The following PPP3CA variants were observed in gnomAD, a reference collection of about 807,000 sequenced individuals.
The protein encoded by PPP3CA is protein phosphatase 3 catalytic subunit alpha, also known as CAM-PRP catalytic subunit.
In PPP3CA, 14 loss-of-function variants were observed where a neutral mutation model predicts 66.5. The ratio of observed to expected loss-of-function variants is 0.21; its 90% CI spans 0.14 to 0.33. The LOEUF (loss-of-function observed/expected upper bound fraction) is 0.33. Among genes scored for constraint, PPP3CA ranks in the 10% least tolerant of loss-of-function variants. The pLI is 1.00. For missense variants in PPP3CA, 317 were observed against 639.5 expected (o/e 0.50, Z 5.44); for synonymous variants, 232 against 226.2 (o/e 1.03, Z -0.23).
At chr4:101,065,877 TAA>T (rs1021531081) in intron 8 of PPP3CA, among the ~76,000 whole-genome samples, 6 of 152,136 alleles carry the variant, frequency 3.9e-5, no homozygotes, top group Non-Finnish European at 7.4e-5. Context: ...GTTGGTGAGA[TAA>T]AAGTTCATTT....
chr4:101,215,346 C>T (rs1560662772), intron 1 of PPP3CA, among the ~76,000 whole-genome samples: 5 of 151,986 alleles, frequency 3.3e-5, no homozygotes, highest in Non-Finnish European at 7.4e-5. Flanking sequence ...TATAAATAGA[C>T]TTCTCTAATA....
intron 2 of PPP3CA, among the ~76,000 whole-genome samples, chr4:101,151,162 A>G (rs1159241861): frequency 6.6e-6 from 1 of 152,222 alleles, no homozygotes; most frequent in African/African-American, 2.4e-5. Flanking sequence ...GACCGTGACC[A>G]TGGACCTTCA....
At chr4:101,196,186 A>G (rs1381780213) in intron 1 of PPP3CA, 70 bp from the exon 2 acceptor site, 7 of 1,394,530 alleles carry the variant, frequency 5.0e-6, no homozygotes, top group Non-Finnish European at 6.9e-6. Flanking sequence ...AATAACCACC[A>G]AATATCCATC....
intron 13 of PPP3CA, among the ~76,000 whole-genome samples, chr4:101,027,634 G>A (rs974602817): frequency 9.9e-5 from 15 of 152,248 alleles, no homozygotes; most frequent in African/African-American, 3.1e-4. Flanking sequence ...GTACTCTACT[G>A]TCTTTTTTAG....
At chr4:101,239,680 CCA>C (rs1726239499) in intron 1 of PPP3CA, among the ~76,000 whole-genome samples, 1 of 151,992 alleles carries the variant, frequency 6.6e-6, no homozygotes, top group Non-Finnish European at 1.5e-5. Flanking sequence ...CAACTGTTCT[CCA>C]GTCACACCCA....
intron 1 of PPP3CA, among the ~76,000 whole-genome samples, chr4:101,276,153 C>T (rs1727489827): frequency 6.6e-6 from 1 of 152,052 alleles, no homozygotes; most frequent in African/African-American, 2.4e-5. Context: ...CCTCAGCTTC[C>T]CAGAGCACTA....
chr4:101,190,495 G>A (rs1026964259), intron 2 of PPP3CA, among the ~76,000 whole-genome samples: 2 of 152,082 alleles, frequency 1.3e-5, no homozygotes, highest in African/African-American at 4.8e-5. Flanking sequence ...CATAGATAGC[G>A]CTACATGTTT....
chr4:101,090,595 T>G (rs550568214), intron 6 of PPP3CA, among the ~76,000 whole-genome samples: 5 of 126,980 alleles, frequency 3.9e-5, no homozygotes, highest in Non-Finnish European at 7.7e-5. Context: ...TGAGCCGAGA[T>G]CGCACCACTG....
intron 8 of PPP3CA, among the ~76,000 whole-genome samples, chr4:101,069,744 C>T (rs150223660): frequency 3.9e-5 from 6 of 152,208 alleles, no homozygotes; most frequent in African/African-American, 9.6e-5. Context: ...ATGAAGAAGA[C>T]GAGGATGAAA....
At chr4:101,077,328 T>C (rs901775021) in intron 8 of PPP3CA, among the ~76,000 whole-genome samples, 1 of 152,206 alleles carries the variant, frequency 6.6e-6, no homozygotes, top group African/African-American at 2.4e-5. Flanking sequence ...AAGAATCAAA[T>C]CATACTGTAA....
chr4:101,294,750 T>C (rs552091557), intron 1 of PPP3CA, among the ~76,000 whole-genome samples: 1 of 152,232 alleles, frequency 6.6e-6, no homozygotes, highest in South Asian at 2.1e-4. Context: ...TGTAGGATGT[T>C]TGGCAGCATC....
chr4:101,037,736 C>T (rs764300878), intron 11 of PPP3CA, among the ~76,000 whole-genome samples: 10 of 152,152 alleles, frequency 6.6e-5, no homozygotes, highest in Admixed American at 6.5e-5. Context: ...AATTCTACAA[C>T]TCCTGATTGC....
chr4:101,278,123 A>AT (rs1727562371), intron 1 of PPP3CA, among the ~76,000 whole-genome samples: 1 of 7,654 alleles, frequency 1.3e-4, no homozygotes, highest in Non-Finnish European at 7.2e-4. Flanking sequence ...AGCTATTAGT[A>AT]AAAAAAAAAA....
At chr4:101,048,903 TA>T (rs899571331) in intron 10 of PPP3CA, among the ~76,000 whole-genome samples, 1 of 152,128 alleles carries the variant, frequency 6.6e-6, no homozygotes, top group Non-Finnish European at 1.5e-5. Flanking sequence ...CTTTAAAATG[TA>T]ATTTTTTTTA....
chr4:101,217,723 C>T (rs1241370857), intron 1 of PPP3CA, among the ~76,000 whole-genome samples: 1 of 152,112 alleles, frequency 6.6e-6, no homozygotes, highest in African/African-American at 2.4e-5. Context: ...TTCTGTTGCA[C>T]AAATCCCAGA....
At chr4:101,265,069 T>G (rs1258238497) in intron 1 of PPP3CA, among the ~76,000 whole-genome samples, 9 of 152,172 alleles carry the variant, frequency 5.9e-5, no homozygotes, top group Middle Eastern at 3.2e-3. Context: ...CCATAAGAAT[T>G]TGGCTGAATT....
chr4:101,204,070 A>C (rs1015568399), intron 1 of PPP3CA, among the ~76,000 whole-genome samples: 1 of 152,084 alleles, frequency 6.6e-6, no homozygotes, highest in Non-Finnish European at 1.5e-5. Flanking sequence ...CCTGAGCTCA[A>C]GCAATCCTCC....
intron 8 of PPP3CA, among the ~76,000 whole-genome samples, chr4:101,073,675 G>A (rs1320770239): frequency 2.6e-5 from 4 of 151,872 alleles, no homozygotes; most frequent in Non-Finnish European, 1.5e-5. Context: ...ACTCTCTTAG[G>A]CTTAATAATC....
At chr4:101,340,868 G>A (rs981687527) in intron 1 of PPP3CA, among the ~76,000 whole-genome samples, 7 of 152,294 alleles carry the variant, frequency 4.6e-5, no homozygotes, top group African/African-American at 1.7e-4. Flanking sequence ...GGGTCATTAA[G>A]TGGAGTTCAG....
Sources: gnomAD v4.1 joint callset for allele counts (sites outside exome capture counted in the v4.1 genomes callset) on GRCh38, gnomAD v4.1.1 for gene constraint, MANE v1.5 for transcripts, NCBI Gene and HGNC (gene_info 2026-07-23, HGNC 2026-07-21) for gene names.